The following IL20 variants were observed in gnomAD, a reference collection of about 807,000 sequenced individuals.
The protein encoded by IL20 is interleukin 20, also known as interleukin-20.
A neutral mutation model predicts 19.2 loss-of-function variants in IL20; 22 were observed. The ratio of observed to expected loss-of-function variants is 1.15; its 90% CI spans 0.82 to 1.64. The LOEUF is 1.64. Among genes scored for constraint, IL20 ranks in the 40% most tolerant of loss-of-function variants. The pLI is 0.00. For synonymous variants in IL20, 70 were observed against 76.2 expected (o/e 0.92, Z 0.43); for missense variants, 215 against 212.8 (o/e 1.01, Z -0.06).
chr1:206,868,167 C>T (rs559719402), intron 5 of IL20, among the ~76,000 whole-genome samples: 445 of 151,254 alleles, frequency 2.9e-3, no homozygotes, highest in Admixed American at 3.6e-3. Context: ...CACACAGGCA[C>T]GTGCACACAC....
chr1:206,865,798 C>A lies in IL20; in HGVS notation c.-30-25C>A. The stretch of plus-strand genomic sequence containing the variant: ...TTGGAGGAGGGGAAACTCAGTAAGT[C>A]ATGCTCTCTTCTTTGAATTCCTAGC... On this transcript the variant is annotated intron_variant, in intron 1 of 5. Coordinates refer to ENST00000367098, the MANE Select transcript of IL20 (RefSeq NM_018724.4). The surrounding 1 kb of genome is among the most constrained non-coding windows in gnomAD (Gnocchi z 4.1). The A allele has an allele frequency of 6.3e-7, 1 of 1,596,958 alleles. No individual in the cohort carries two copies.
intron 4 of IL20, 103 bp from the exon 5 acceptor site, chr1:206,867,281 C>T: frequency 9.6e-6 from 9 of 932,734 alleles, no homozygotes; most frequent in Non-Finnish European, 1.5e-5. Context: ...GAATAAGCAT[C>T]CTCAGGGTTG....
intron 4 of IL20, among the ~76,000 whole-genome samples, chr1:206,867,161 T>TA (rs560459030): frequency 1.2e-3 from 189 of 152,072 alleles, no homozygotes; most frequent in African/African-American, 4.4e-3. Context: ...TGCCTATTTC[T>TA]AAAAAAGAAG....
chr1:206,866,701 ACT>A, intron 4 of IL20, 65 bp downstream of exon 4: 1 of 1,468,164 alleles, frequency 6.8e-7, no homozygotes, highest in African/African-American at 1.4e-5. Context: ...TAGCAACTAA[ACT>A]CTCTTTCCTA....
At chr1:206,866,172 T>C in intron 2 of IL20, 127 bp from the exon 3 acceptor site, 2 of 1,185,458 alleles carry the variant, frequency 1.7e-6, no homozygotes. Flanking sequence ...GTTCAAATAT[T>C]TAAAATGTTT....
At position 206,865,780 on chromosome 1, in the gene IL20, A is replaced by C; in HGVS notation, c.-30-43A>C. The C allele has an allele frequency of 1.3e-6, 2 of 1,491,796 alleles. No individual in the cohort carries two copies. Among genetic ancestry groups the C allele is most frequent in the Non-Finnish European group, 9.1e-7 (1 of 1,096,082 alleles). The allele number at this position is 1,491,796 out of a possible 1,614,324, so 92.4% of individuals were successfully genotyped here. On this transcript the variant is annotated intron_variant, in intron 1 of 5. Transcript: ENST00000367098. The surrounding 1 kb of genome is among the most constrained non-coding windows in gnomAD (Gnocchi z 4.1). ...CCCTCACCCCGTGGACACTTGGAGG[A>C]GGGGAAACTCAGTAAGTCATGCTCT...
chr1:206,863,769 A>T (rs1558630435), upstream of IL20, among the ~76,000 whole-genome samples: 2 of 152,210 alleles, frequency 1.3e-5, no homozygotes, highest in Non-Finnish European at 2.9e-5. Context: ...TTATCTTTGT[A>T]CTTCAGTACC....
chr1:206,868,645 A>C lies in IL20; in HGVS notation c.*81A>C. On this transcript the variant is annotated 3_prime_UTR_variant, in exon 6 of 6. Transcript: ENST00000367098. ...TACCTGCAGAGGAGGCATGACCCCAAACCACCATCTCTTTACTGTACTAGT... is the reference window on the plus strand; with the variant it reads ...TACCTGCAGAGGAGGCATGACCCCACACCACCATCTCTTTACTGTACTAGT... The C allele has an allele frequency of 1.1e-6, 1 of 943,058 alleles. No homozygotes were observed. The highest frequency in any genetic ancestry group is 1.6e-6 in the Non-Finnish European group (1 of 640,438). The allele number at this position is 943,058 out of a possible 1,614,324, so 58.4% of individuals were successfully genotyped here. A position where few individuals can be genotyped will look rare whatever the true frequency, so the allele number is the denominator to read the frequency against.
intron 5 of IL20, among the ~76,000 whole-genome samples, chr1:206,868,234 A>C (rs1390646312): frequency 6.6e-6 from 1 of 152,068 alleles, no homozygotes; most frequent in Non-Finnish European, 1.5e-5. Context: ...TCTGTGATTC[A>C]AGAGTCTTAA....
In IL20 at chr1:206,868,625, G is replaced by T. The variant is rs184405757; in HGVS notation, c.*61G>T. 51 of 1,264,450 alleles carry T rather than the reference G, an allele frequency of 4.0e-5. No homozygotes were observed. Among genetic ancestry groups the T allele is most frequent in the Non-Finnish European group, 5.3e-5 (48 of 913,738 alleles). 78.3% of individuals were successfully genotyped at this position (1,264,450 alleles called of 1,614,324 possible). A position where few individuals can be genotyped will look rare whatever the true frequency, so the allele number is the denominator to read the frequency against. On this transcript the variant is annotated 3_prime_UTR_variant, in exon 6 of 6. Transcript: ENST00000367098. ...TCAAGAGCTCCAGTCTTCAATACCT[G>T]CAGAGGAGGCATGACCCCAAACCAC...
rs369436616 is a variant in IL20 at position 206,866,629 on chromosome 1, G to T, written c.371G>T (p.Arg124Leu). 3 of 1,613,938 alleles carry T rather than the reference G, an allele frequency of 1.9e-6. No homozygotes were observed. The highest frequency in any genetic ancestry group is 2.5e-6 in the Non-Finnish European group (3 of 1,179,954). ...NSFLTIKKDL[R>L]LCHAHMTCHC... ...TTTCTTACCATCAAGAAGGACCTCC[G>T]GCTCTGTGTGAGTGTGGGTCTTGGG... Residue 124 changes from arginine to leucine, a missense_variant, in exon 4 of 6, where the codon CGG becomes CTG. Arg to Leu is a moderately radical substitution (Grantham distance 102). Coordinates refer to ENST00000367098, the MANE Select transcript of IL20 (RefSeq NM_018724.4).
chr1:206,867,039 T>A (rs945158649), intron 4 of IL20, among the ~76,000 whole-genome samples: 4 of 151,632 alleles, frequency 2.6e-5, no homozygotes, highest in Non-Finnish European at 5.9e-5. Flanking sequence ...TTCTTTTTTT[T>A]TTTTTTCTCA....
Position 206,867,398 on chromosome 1 carries a change from A to G in IL20, c.393A>G (p.Thr131=), listed in dbSNP as rs1376050508. Residue 131 remains threonine, a synonymous_variant, in exon 5 of 6, where the codon ACA becomes ACG. Coordinates refer to ENST00000367098, the MANE Select transcript of IL20 (RefSeq NM_018724.4). ...KDLRLCHAHM[T]CHCGEEAMKK... is the part of the protein sequence containing the mutation. ...GTCCTTTTCAGCATGCCCACATGACATGCCATTGTGGGGAGGAAGCAATGA... is the reference window on the plus strand; with the variant it reads ...GTCCTTTTCAGCATGCCCACATGACGTGCCATTGTGGGGAGGAAGCAATGA... 19 of 1,613,612 alleles carry G rather than the reference A, an allele frequency of 1.2e-5. No homozygotes were observed. Among genetic ancestry groups the G allele is most frequent in the Non-Finnish European group, 1.5e-5 (18 of 1,179,558 alleles).
At chr1:206,867,286 G>A (rs926268739) in intron 4 of IL20, 98 bp from the exon 5 acceptor site, 1 of 976,480 alleles carries the variant, frequency 1.0e-6, no homozygotes, top group Non-Finnish European at 1.6e-6. Context: ...AGCATCCTCA[G>A]GGTTGTGGGT....
intron 2 of IL20, 130 bp downstream of exon 2, chr1:206,866,141 T>A: frequency 8.8e-7 from 1 of 1,141,834 alleles, no homozygotes; most frequent in Non-Finnish European, 1.3e-6. Context: ...CCGGGGGATG[T>A]ATTCCAAAGA....
At chr1:206,867,688 T>A (rs774195015) in intron 5 of IL20, among the ~76,000 whole-genome samples, 2 of 152,172 alleles carry the variant, frequency 1.3e-5, no homozygotes, top group Non-Finnish European at 2.9e-5. Context: ...CATGATTCCA[T>A]CAAGTCACTA....
At chr1:206,867,570 C>G in intron 5 of IL20, 112 bp downstream of exon 5, 1 of 888,230 alleles carries the variant, frequency 1.1e-6, no homozygotes, top group Non-Finnish European at 1.8e-6. Flanking sequence ...GGTTCATAGC[C>G]CTCTGAAATC....
At position 206,868,479 on chromosome 1, in the gene IL20, T is replaced by G. The variant is rs976814213; in HGVS notation, c.454-8T>G. On this transcript the variant is annotated splice_region_variant and splice_polypyrimidine_tract_variant and intron_variant, in intron 5 of 5. Transcript: ENST00000367098. ...ATTGCTAACCACATGGGTGTGTGTC[T>G]CTTTCAGCTGGAACCTCAGGCAGCA... 1 of 1,583,738 alleles carries G rather than the reference T, an allele frequency of 6.3e-7. No homozygotes were observed. The highest frequency in any genetic ancestry group is 1.4e-5 in the African/African-American group (1 of 73,500).
In IL20 at chr1:206,868,961, AG is replaced by A. The variant is rs1322335891; in HGVS notation, c.*398del. On this transcript the variant is annotated 3_prime_UTR_variant, in exon 6 of 6. Coordinates refer to ENST00000367098, the MANE Select transcript of IL20 (RefSeq NM_018724.4). Reference sequence around the variant, plus strand: ...AAAAAAAAAAAACCTTGTAAATTCTAGAAGAGTGGCTAGGGGGGTTATTCAT... The same window carrying A: ...AAAAAAAAAAAACCTTGTAAATTCTAAAGAGTGGCTAGGGGGGTTATTCAT... 6.6e-6 allele frequency: 1 copy of A among 152,062 alleles called. No individual in the cohort carries two copies. Among genetic ancestry groups the A allele is most frequent in the African/African-American group, 2.4e-5 (1 of 41,324 alleles). The allele number at this position is 152,062 out of a possible 1,614,324, so 9.4% of individuals were successfully genotyped here.
Sources: gnomAD v4.1 joint callset for allele counts (sites outside exome capture counted in the v4.1 genomes callset) on GRCh38, gnomAD v4.1.1 for gene constraint, Gnocchi (gnomAD v3.1) non-coding constraint, MANE v1.5 for transcripts, NCBI Gene and HGNC (gene_info 2026-07-23, HGNC 2026-07-21) for gene names.